HEMK2: variants seen among roughly 807,000 people sequenced by gnomAD.
HEMK2 encodes HemK methyltransferase 2, ETF1 glutamine and histone H4 lysine.
chr21:28,820,296 C>G, the HEMK2 span, among the ~76,000 whole-genome samples: 512 of 152,312 alleles, frequency 3.4e-3, 2 homozygotes, highest in Middle Eastern at 0.014. Flanking sequence ...CTCCCAAACA[C>G]AAGCTGAAGT....
chr21:28,836,178 A>G, the HEMK2 span, among the ~76,000 whole-genome samples: 2 of 152,204 alleles, frequency 1.3e-5, no homozygotes, highest in Admixed American at 6.5e-5. Context: ...ACCTAGGCAC[A>G]TTGTCATCAG....
At chr21:28,652,427 TCTTCCTCC>T in the HEMK2 span, among the ~76,000 whole-genome samples, 63 of 149,900 alleles carry the variant, frequency 4.2e-4, no homozygotes, top group African/African-American at 1.3e-3. Flanking sequence ...TTCTCTCTTT[TCTTCCTCC>T]CTTCCTTCCT....
the HEMK2 span, among the ~76,000 whole-genome samples, chr21:28,784,402 A>C: frequency 1.3e-4 from 20 of 150,964 alleles, no homozygotes; most frequent in African/African-American, 4.6e-4. Flanking sequence ...TAAGTGCACC[A>C]ATCAGTGCTC....
At chr21:28,622,276 TGTGAAGAAA>T in the HEMK2 span, among the ~76,000 whole-genome samples, 3 of 152,116 alleles carry the variant, frequency 2.0e-5, no homozygotes, top group Non-Finnish European at 4.4e-5. Context: ...TTACAACAGA[TGTGAAGAAA>T]CTCTTCAAGG....
the HEMK2 span, among the ~76,000 whole-genome samples, chr21:28,827,099 G>A: frequency 1.3e-5 from 2 of 152,174 alleles, no homozygotes; most frequent in African/African-American, 2.4e-5. Flanking sequence ...AGATAGTTAT[G>A]ATGTGCCATC....
chr21:28,710,920 T>C, the HEMK2 span, among the ~76,000 whole-genome samples: 1 of 152,202 alleles, frequency 6.6e-6, no homozygotes, highest in Non-Finnish European at 1.5e-5. Flanking sequence ...TCTCCTTTTT[T>C]AAACTACGTG....
chr21:28,611,961 C>T, the HEMK2 span, among the ~76,000 whole-genome samples: 24 of 147,318 alleles, frequency 1.6e-4, no homozygotes, highest in African/African-American at 5.0e-4. Flanking sequence ...TCAGGACAGA[C>T]GAATTCACAG....
the HEMK2 span, among the ~76,000 whole-genome samples, chr21:28,635,101 C>CT: frequency 0.36 from 50,732 of 142,742 alleles, 9,665 homozygotes; most frequent in African/African-American, 0.51. Context: ...ATGTCCTCAT[C>CT]TTTTTTTTTT....
At chr21:28,807,782 A>C in the HEMK2 span, among the ~76,000 whole-genome samples, 2 of 152,208 alleles carry the variant, frequency 1.3e-5, no homozygotes, top group East Asian at 3.9e-4. Context: ...ATACTAGAAG[A>C]GAAAGAAGAA....
chr21:28,863,410 TTATATATATATATATATATATATA>T, the HEMK2 span, among the ~76,000 whole-genome samples: 99 of 38,982 alleles, frequency 2.5e-3, 1 homozygote, highest in Middle Eastern at 0.023. Context: ...AAACTCCCTT[TTATATATATATATATATATATATA>T]TATATATATA....
the HEMK2 span, among the ~76,000 whole-genome samples, chr21:28,806,138 A>G: frequency 6.6e-6 from 1 of 152,196 alleles, no homozygotes; most frequent in African/African-American, 2.4e-5. Flanking sequence ...TGTGTTTTCC[A>G]GGAATTACGT....
chr21:28,642,136 C>T, the HEMK2 span, among the ~76,000 whole-genome samples: 3 of 152,190 alleles, frequency 2.0e-5, no homozygotes, highest in Non-Finnish European at 4.4e-5. Context: ...CAGGAGCTTA[C>T]TGAATACTAG....
the HEMK2 span, among the ~76,000 whole-genome samples, chr21:28,582,563 T>C: frequency 1.3e-5 from 2 of 152,292 alleles, no homozygotes; most frequent in East Asian, 1.9e-4. Flanking sequence ...CTCTCAGTCT[T>C]AGAGCTAAAC....
At chr21:28,728,603 C>T in the HEMK2 span, among the ~76,000 whole-genome samples, 5 of 152,058 alleles carry the variant, frequency 3.3e-5, no homozygotes, top group East Asian at 9.6e-4. Context: ...AAAGTATTAG[C>T]TTAAAAAAAA....
At chr21:28,877,739 A>T in the HEMK2 span, among the ~76,000 whole-genome samples, 9,342 of 152,234 alleles carry the variant, frequency 0.061, 334 homozygotes, top group Middle Eastern at 0.088. Flanking sequence ...GTACAGAAAA[A>T]GAGAGGAAAG....
the HEMK2 span, chr21:28,873,929 A>T: frequency 2.0e-5 from 3 of 152,382 alleles, no homozygotes; most frequent in African/African-American, 7.2e-5. Flanking sequence ...ACCAGGGCTA[A>T]TAGCGAATGG....
At chr21:28,657,816 A>G in the HEMK2 span, among the ~76,000 whole-genome samples, 1 of 152,048 alleles carries the variant, frequency 6.6e-6, no homozygotes, top group Non-Finnish European at 1.5e-5. Context: ...ACCATAAATA[A>G]TGGTATCTTG....
chr21:28,779,833 C>CT, the HEMK2 span, among the ~76,000 whole-genome samples: 2 of 152,126 alleles, frequency 1.3e-5, no homozygotes, highest in Non-Finnish European at 1.5e-5. Flanking sequence ...AGCTCCTGGC[C>CT]TCCTCTTTCA....
the HEMK2 span, among the ~76,000 whole-genome samples, chr21:28,856,518 C>T: frequency 5.3e-5 from 8 of 152,120 alleles, no homozygotes; most frequent in Non-Finnish European, 1.2e-4. Flanking sequence ...TTAGAAGCAG[C>T]TGCAGTCTGC....
Sources: gnomAD v4.1 joint callset for allele counts (sites outside exome capture counted in the v4.1 genomes callset) on GRCh38, gnomAD v4.1.1 for gene constraint, MANE v1.5 for transcripts, NCBI Gene and HGNC (gene_info 2026-07-23, HGNC 2026-07-21) for gene names.